KCNQ5: variants seen among roughly 807,000 people sequenced by gnomAD.
KCNQ5 encodes potassium voltage-gated channel subfamily Q member 5, also known as potassium voltage-gated channel subfamily KQT member 5.
In KCNQ5, 30 loss-of-function variants were observed where a neutral mutation model predicts 98.2. The ratio of observed to expected loss-of-function variants is 0.31; its 90% confidence interval spans 0.23 to 0.41. The LOEUF (loss-of-function observed/expected upper bound fraction) is 0.41. Ranked by LOEUF, KCNQ5 falls within the 10% of genes least tolerant of loss-of-function variation. The probability of loss-of-function intolerance (pLI) is 1.00; values close to 1 mark genes in which losing one functional copy is unlikely to be tolerated. For missense variants in KCNQ5, 835 were observed against 1,182.5 expected (o/e 0.71, Z 4.31); for synonymous variants, 458 against 449.4 (o/e 1.02, Z -0.24).
In KCNQ5 at chr6:73,034,872, A is replaced by ATCTCGC. The variant is rs1771326646; in HGVS notation, c.490-7060_490-7055dup. Reference sequence around the variant, plus strand: ...TTTTTTTTTTTTTTTTTGAGACAGTATCTCGCTCTGTTGCCCAAGCTGGAG... The same window carrying ATCTCGC: ...TTTTTTTTTTTTTTTTTGAGACAGTATCTCGCTCTCGCTCTGTTGCCCAAGCTGGAG... On this transcript the variant is annotated intron_variant, in intron 2 of 13. Coordinates refer to ENST00000370398, the MANE Select transcript of KCNQ5 (RefSeq NM_019842.4). Among the ~76,000 whole-genome samples, 9 of 127,658 alleles carry ATCTCGC rather than the reference A, an allele frequency of 7.1e-5. No homozygotes were observed. The South Asian group carries it at 2.2e-3, about 31-fold the overall frequency. 83.7% of individuals were successfully genotyped at this position (127,658 alleles called of 152,430 possible).
intron 1 of KCNQ5, among the ~76,000 whole-genome samples, chr6:72,984,500 C>T (rs984723780): frequency 2.6e-5 from 4 of 152,188 alleles, no homozygotes; most frequent in Non-Finnish European, 4.4e-5. Context: ...GCTCCATAGG[C>T]GTGAGACCCA....
intron 13 of KCNQ5, 28 bp from the exon 14 acceptor site, chr6:73,194,424 C>T: frequency 6.3e-7 from 1 of 1,576,618 alleles, no homozygotes; most frequent in South Asian, 1.2e-5. Flanking sequence ...AGATTATACT[C>T]ATGTGTAACC....
At chr6:72,665,356 A>AAC (rs1766756688) in intron 1 of KCNQ5, among the ~76,000 whole-genome samples, 1 of 151,924 alleles carries the variant, frequency 6.6e-6, no homozygotes, top group Non-Finnish European at 1.5e-5. Flanking sequence ...AAAAAAAAAA[A>AAC]AAAATCTCAG....
intron 1 of KCNQ5, among the ~76,000 whole-genome samples, chr6:73,000,548 GGATTTATCCTCT>G (rs1415802631): frequency 6.6e-6 from 1 of 152,028 alleles, no homozygotes; most frequent in East Asian, 1.9e-4. Context: ...GTCTAAAACT[GGATTTATCCTCT>G]TCTCCCCAAA....
At chr6:72,941,702 T>C (rs867611805) in intron 1 of KCNQ5, among the ~76,000 whole-genome samples, 4 of 2,550 alleles carry the variant, frequency 1.6e-3, no homozygotes, top group Admixed American at 5.5e-3. Flanking sequence ...CTTTCTTTCT[T>C]TCTTTCTTTC....
At position 72,622,442 on chromosome 6, in the gene KCNQ5, G is replaced by T; in HGVS notation, c.253G>T (p.Ala85Ser). Residue 85 changes from alanine to serine, a missense_variant, in exon 1 of 14, where the codon GCC (alanine) becomes TCC (serine). By Grantham distance (99) the Ala-to-Ser change is moderately conservative. Coordinates refer to ENST00000370398, the MANE Select transcript of KCNQ5 (RefSeq NM_019842.4). The surrounding 1 kb of genome is among the most constrained non-coding windows in gnomAD (Gnocchi z 6.0). ...GGAGAGCCGCCGGGGCAAGCAGGGG[G>T]CCCGGATGAGCCTGCTGGGGAAGCC... Reference protein sequence around the residue: ...LRESRRGKQGARMSLLGKPLS... With the variant: ...LRESRRGKQGSRMSLLGKPLS... 1 of 1,568,390 alleles carries T rather than the reference G, an allele frequency of 6.4e-7. No homozygotes were observed.
intron 3 of KCNQ5, among the ~76,000 whole-genome samples, chr6:73,057,354 T>C (rs969242196): frequency 6.6e-6 from 1 of 150,508 alleles, no homozygotes. Context: ...GGGGGAGGGA[T>C]AGCATTAGGA....
At chr6:72,815,106 T>C (rs576639906) in intron 1 of KCNQ5, among the ~76,000 whole-genome samples, 74 of 152,224 alleles carry the variant, frequency 4.9e-4, no homozygotes, top group African/African-American at 1.6e-3. Flanking sequence ...TGTATGGAGT[T>C]CTAGTGCTTG....
intron 1 of KCNQ5, among the ~76,000 whole-genome samples, chr6:72,949,135 A>T (rs1430439688): frequency 2.0e-5 from 3 of 152,176 alleles, no homozygotes; most frequent in Admixed American, 2.0e-4. Context: ...TCTCAAATGG[A>T]TGCTGAAGGC....
intron 2 of KCNQ5, among the ~76,000 whole-genome samples, chr6:73,034,778 T>C (rs1160515964): frequency 6.6e-6 from 1 of 152,104 alleles, no homozygotes; most frequent in East Asian, 1.9e-4. Context: ...TTAATATGGA[T>C]TGGTATTCTC....
chr6:72,941,715 TC>T (rs1562083021), intron 1 of KCNQ5, among the ~76,000 whole-genome samples: 5 of 23,426 alleles, frequency 2.1e-4, no homozygotes, highest in Admixed American at 6.8e-4. Context: ...TTTCTTTCTT[TC>T]TTTCTTTCTT....
chr6:72,819,028 T>G lies in KCNQ5; in HGVS notation c.399-184880T>G, dbSNP rs532510205. 2.4e-4 allele frequency among the ~76,000 whole-genome samples: 36 copies of G among 152,148 alleles called. 1 individual carries two copies. In the South Asian group the frequency reaches 7.5e-3, roughly 32 times the overall value. ...AGAAAATTCTTACTACTATTGATCTTGTTATTTCATGATTTGAAAATCTTA... is the reference window on the plus strand; with the variant it reads ...AGAAAATTCTTACTACTATTGATCTGGTTATTTCATGATTTGAAAATCTTA... On this transcript the variant is annotated intron_variant, in intron 1 of 13. Transcript: ENST00000370398.
At chr6:72,875,391 C>G (rs939760448) in intron 1 of KCNQ5, among the ~76,000 whole-genome samples, 1 of 152,160 alleles carries the variant, frequency 6.6e-6, no homozygotes, top group South Asian at 2.1e-4. Context: ...AAACTTTTCT[C>G]CATGTTGGAG....
chr6:72,642,304 T>A (rs142991867), intron 1 of KCNQ5, among the ~76,000 whole-genome samples: 11 of 152,098 alleles, frequency 7.2e-5, no homozygotes, highest in African/African-American at 2.2e-4. Context: ...GACACTTTTC[T>A]TTTTAAATTC....
intron 1 of KCNQ5, among the ~76,000 whole-genome samples, chr6:72,723,365 G>T (rs1770077961): frequency 6.6e-6 from 1 of 151,922 alleles, no homozygotes; most frequent in African/African-American, 2.4e-5. Context: ...AACGGTAATT[G>T]GTATCTAATT....
rs548254601 is a variant in KCNQ5, at chr6:72,897,910, G to A, written c.399-105998G>A. Reference sequence around the variant, plus strand: ...TGTGCTTCTTCTAAAAAATGAGGTAGTATCTATTCTCTCTACACTTCCCAA... The same window carrying A: ...TGTGCTTCTTCTAAAAAATGAGGTAATATCTATTCTCTCTACACTTCCCAA... On this transcript the variant is annotated intron_variant, in intron 1 of 13. Transcript: ENST00000370398. 1.2e-3 allele frequency among the ~76,000 whole-genome samples: 185 copies of A among 152,234 alleles called. 1 individual carries two copies. The highest frequency in any genetic ancestry group is 4.2e-3 in the African/African-American group (173 of 41,534).
At chr6:72,842,704 T>G (rs1049943691) in intron 1 of KCNQ5, among the ~76,000 whole-genome samples, 1 of 152,234 alleles carries the variant, frequency 6.6e-6, no homozygotes, top group African/African-American at 2.4e-5. Flanking sequence ...GGTATCTCAT[T>G]GCAGTTTTGA....
At chr6:73,182,336 A>C (rs1177045290) in intron 11 of KCNQ5, among the ~76,000 whole-genome samples, 1 of 152,178 alleles carries the variant, frequency 6.6e-6, no homozygotes, top group African/African-American at 2.4e-5. Context: ...GATATTTACT[A>C]CCTGGCCCTT....
intron 1 of KCNQ5, among the ~76,000 whole-genome samples, chr6:72,826,000 G>A (rs1311325393): frequency 1.3e-5 from 2 of 152,104 alleles, no homozygotes; most frequent in Non-Finnish European, 2.9e-5. Flanking sequence ...CGTTGTGCCT[G>A]CAAGCAATCA....
Sources: gnomAD v4.1 joint callset for allele counts (sites outside exome capture counted in the v4.1 genomes callset) on GRCh38, gnomAD v4.1.1 for gene constraint, Gnocchi (gnomAD v3.1) non-coding constraint, MANE v1.5 for transcripts, NCBI Gene and HGNC (gene_info 2026-07-23, HGNC 2026-07-21) for gene names.